CCDC7: variants seen among roughly 807,000 people sequenced by gnomAD.
The protein encoded by CCDC7 is coiled-coil domain-containing protein 7.
A neutral mutation model predicts 196.9 loss-of-function variants in CCDC7; 183 were observed. That is an observed-to-expected ratio of 0.93 (90% confidence interval 0.82 to 1.05). The LOEUF is 1.05. Ranked by LOEUF, CCDC7 falls within the 50% of genes least tolerant of loss-of-function variation. The pLI is 0.00. For synonymous variants in CCDC7, 525 were observed against 484.6 expected, an observed-to-expected ratio of 1.08 and a Z score of -1.10; for missense variants, 1,540 against 1,482.2, an observed-to-expected ratio of 1.04 and a Z score of -0.64.
At chr10:32,566,574 A>G (rs913752112) in intron 14 of CCDC7, among the ~76,000 whole-genome samples, 2 of 152,138 alleles carry the variant, frequency 1.3e-5, no homozygotes, top group Non-Finnish European at 2.9e-5. Flanking sequence ...TGAAAAGAGC[A>G]TAAGATGTAA....
chr10:32,450,281 C>T (rs147898027), upstream of CCDC7, among the ~76,000 whole-genome samples: 6 of 152,274 alleles, frequency 3.9e-5, no homozygotes, highest in South Asian at 2.1e-4. Flanking sequence ...TTCTGCCTGT[C>T]GCTATATGGT....
chr10:32,633,696 A>ATGTGTGTG (rs1554928040), intron 18 of CCDC7, among the ~76,000 whole-genome samples: 43 of 135,228 alleles, frequency 3.2e-4, no homozygotes, highest in African/African-American at 9.8e-4. Context: ...ATATATATAT[A>ATGTGTGTG]TGTGTGTGTG....
At chr10:32,597,232 C>G (rs1344887044) in intron 18 of CCDC7, among the ~76,000 whole-genome samples, 1 of 152,096 alleles carries the variant, frequency 6.6e-6, no homozygotes, top group Non-Finnish European at 1.5e-5. Flanking sequence ...TCTTTTGACT[C>G]TTTTTTTCTC....
chr10:32,822,675 A>G (rs1463357886), intron 31 of CCDC7, among the ~76,000 whole-genome samples: 1 of 152,174 alleles, frequency 6.6e-6, no homozygotes, highest in Non-Finnish European at 1.5e-5. Flanking sequence ...GTAGAATGTA[A>G]TTAGTGTAAA....
chr10:32,818,236 AAAGAAGGCCATTAC>A (rs2089270702), intron 31 of CCDC7, among the ~76,000 whole-genome samples: 1 of 152,236 alleles, frequency 6.6e-6, no homozygotes, highest in South Asian at 2.1e-4. Flanking sequence ...CAAAAGAGAT[AAAGAAGGCCATTAC>A]ATAATGGTAA....
At chr10:32,523,566 G>A (rs971297312) in intron 11 of CCDC7, among the ~76,000 whole-genome samples, 22 of 149,402 alleles carry the variant, frequency 1.5e-4, no homozygotes, top group Non-Finnish European at 2.1e-4. Flanking sequence ...AAAAAAAACC[G>A]TAGGGTGTTT....
At chr10:32,785,196 C>T (rs1311743897) in intron 29 of CCDC7, among the ~76,000 whole-genome samples, 1 of 152,152 alleles carries the variant, frequency 6.6e-6, no homozygotes, top group East Asian at 1.9e-4. Context: ...GAACACTTCA[C>T]TCAATAAATG....
chr10:32,840,213 G>A (rs558725670), intron 33 of CCDC7, among the ~76,000 whole-genome samples: 3 of 152,070 alleles, frequency 2.0e-5, no homozygotes, highest in Middle Eastern at 6.8e-3. Flanking sequence ...GAAACAAAAA[G>A]CTGGTTATTT....
In CCDC7 at chr10:32,634,365, G is replaced by A. The variant is rs1590874289; in HGVS notation, c.1912+1G>A. On this transcript the variant is annotated splice_donor_variant, in intron 19 of 41. Transcript: ENST00000639629. LOFTEE classifies it high-confidence loss of function. ...ACTTCTAGTATGGAAAGACATGAGG[G>A]TAAGTATAATAATTATACATATCTT... 3.7e-6 allele frequency: 4 copies of A among 1,084,322 alleles called. No homozygotes were observed. The Admixed American group carries it at 1.7e-4, about 46-fold the overall frequency. The allele number at this position is 1,084,322 out of a possible 1,614,324, so 67.2% of individuals were successfully genotyped here. A position where few individuals can be genotyped will look rare whatever the true frequency, so the allele number is the denominator to read the frequency against.
chr10:32,660,090 C>T (rs1332780680), intron 20 of CCDC7, among the ~76,000 whole-genome samples: 2 of 151,748 alleles, frequency 1.3e-5, no homozygotes, highest in East Asian at 3.9e-4. Flanking sequence ...AGACAAAGTC[C>T]TCTTTACTTT....
intron 21 of CCDC7, among the ~76,000 whole-genome samples, chr10:32,672,141 C>T (rs986659991): frequency 6.6e-6 from 1 of 152,112 alleles, no homozygotes; most frequent in Non-Finnish European, 1.5e-5. Flanking sequence ...GGACCCAGGG[C>T]AGTAACAGCA....
intron 18 of CCDC7, among the ~76,000 whole-genome samples, chr10:32,625,630 A>ATATGCTAT (rs1444581115): frequency 6.6e-6 from 1 of 152,060 alleles, no homozygotes; most frequent in Non-Finnish European, 1.5e-5. Flanking sequence ...GAAATGTACA[A>ATATGCTAT]TATGCTATTA....
intron 11 of CCDC7, among the ~76,000 whole-genome samples, chr10:32,540,478 T>G (rs1249814430): frequency 1.3e-5 from 2 of 152,228 alleles, no homozygotes; most frequent in African/African-American, 4.8e-5. Context: ...CTTTTCCAGC[T>G]TGCCACTCTG....
At chr10:32,733,601 A>T (rs555007322) in intron 28 of CCDC7, among the ~76,000 whole-genome samples, 11 of 152,120 alleles carry the variant, frequency 7.2e-5, no homozygotes, top group African/African-American at 2.4e-4. Flanking sequence ...TGTCTTTTGT[A>T]TACATCTATT....
At chr10:32,517,138 G>T (rs1004593695) in intron 9 of CCDC7, among the ~76,000 whole-genome samples, 3 of 152,054 alleles carry the variant, frequency 2.0e-5, no homozygotes, top group Admixed American at 6.6e-5. Flanking sequence ...ACAGCCATAC[G>T]CATTGAAGAA....
At chr10:32,462,925 A>T (rs1033460330) in intron 4 of CCDC7, 92 bp from the exon 6 acceptor site, 3 of 1,550,414 alleles carry the variant, frequency 1.9e-6, no homozygotes, top group Middle Eastern at 1.7e-4. Flanking sequence ...AGATTCAGAG[A>T]CACAGACACA....
At chr10:32,668,943 G>A (rs905919041) in intron 21 of CCDC7, among the ~76,000 whole-genome samples, 1 of 152,100 alleles carries the variant, frequency 6.6e-6, no homozygotes, top group African/African-American at 2.4e-5. Flanking sequence ...TAGAATAGAA[G>A]TGGTAAGAAT....
chr10:32,781,675 C>CA (rs1252548997), intron 29 of CCDC7, among the ~76,000 whole-genome samples: 2 of 152,206 alleles, frequency 1.3e-5, no homozygotes, highest in East Asian at 3.9e-4. Context: ...AAGCCAAATA[C>CA]AAAAAATCCA....
chr10:32,680,154 G>A (rs1180083895), intron 21 of CCDC7, among the ~76,000 whole-genome samples: 1 of 152,192 alleles, frequency 6.6e-6, no homozygotes, highest in Non-Finnish European at 1.5e-5. Flanking sequence ...AAAGAAGGCA[G>A]TTGTTTCTTT....
Sources: gnomAD v4.1 joint callset for allele counts (sites outside exome capture counted in the v4.1 genomes callset) on GRCh38, gnomAD v4.1.1 for gene constraint, MANE v1.5 for transcripts, NCBI Gene and HGNC (gene_info 2026-07-23, HGNC 2026-07-21) for gene names.